The following MACROD2 variants were observed in gnomAD, a reference collection of about 807,000 sequenced individuals.
The protein encoded by MACROD2 is mono-ADP ribosylhydrolase 2.
In MACROD2, 36 loss-of-function variants were observed where a neutral mutation model predicts 70.4. That is an observed-to-expected ratio of 0.51 (90% confidence interval 0.39 to 0.68). MACROD2 has a LOEUF of 0.68. Ranked by LOEUF, MACROD2 falls within the 30% of genes least tolerant of loss-of-function variation. The probability of loss-of-function intolerance (pLI) is 0.00; values close to 1 mark genes in which losing one functional copy is unlikely to be tolerated. For missense variants in MACROD2, 496 were observed against 538.4 expected, an observed-to-expected ratio of 0.92 and a Z score of 0.78; for synonymous variants, 172 against 178.8, an observed-to-expected ratio of 0.96 and a Z score of 0.30.
intron 3 of MACROD2, among the ~76,000 whole-genome samples, chr20:14,165,080 G>A (rs2055248206): frequency 6.6e-6 from 1 of 152,178 alleles, no homozygotes; most frequent in Non-Finnish European, 1.5e-5. Context: ...GGATGCAGGG[G>A]CTGTTGGGAC....
intron 8 of MACROD2, among the ~76,000 whole-genome samples, chr20:15,721,782 A>T (rs1267178683): frequency 6.6e-6 from 1 of 152,194 alleles, no homozygotes; most frequent in African/African-American, 2.4e-5. Context: ...AATGTATCTG[A>T]ATAGTTTACA....
At chr20:15,470,848 A>G (rs2046955378) in intron 7 of MACROD2, among the ~76,000 whole-genome samples, 1 of 152,172 alleles carries the variant, frequency 6.6e-6, no homozygotes, top group Non-Finnish European at 1.5e-5. Context: ...TTCTGAACAT[A>G]GAACTCCTCT....
intron 3 of MACROD2, among the ~76,000 whole-genome samples, chr20:14,116,070 G>T (rs2054509853): frequency 6.6e-6 from 1 of 152,150 alleles, no homozygotes. Context: ...TGAATCTTGA[G>T]AAGACAGTTA....
At chr20:15,935,004 C>T (rs1053217246) in intron 11 of MACROD2, among the ~76,000 whole-genome samples, 7 of 36,710 alleles carry the variant, frequency 1.9e-4, no homozygotes, top group East Asian at 1.2e-3. Context: ...GTGTCCTTAT[C>T]GAAAAAGATT....
intron 5 of MACROD2, among the ~76,000 whole-genome samples, chr20:14,933,122 A>C (rs73270557): frequency 0.043 from 6,495 of 152,116 alleles, 404 homozygotes; most frequent in African/African-American, 0.15. Flanking sequence ...GGTTGTCAAC[A>C]TCATGCTTCA....
intron 5 of MACROD2, among the ~76,000 whole-genome samples, chr20:14,767,059 T>C (rs2072100204): frequency 6.6e-6 from 1 of 152,088 alleles, no homozygotes; most frequent in Non-Finnish European, 1.5e-5. Context: ...CCAGGCGTGG[T>C]GGCTTACACT....
At position 15,201,376 on chromosome 20, in the gene MACROD2, T is replaced by A. The variant is rs150033062; in HGVS notation, c.419-28564T>A. On this transcript the variant is annotated intron_variant, in intron 5 of 17. Coordinates refer to ENST00000684519, the MANE Select transcript of MACROD2 (RefSeq NM_001351661.2). ...ATTTTGGCCATGTCTCCTCTAACATTCGCAGGACCCAGGACAAGAGTACAA... is the reference window on the plus strand; with the variant it reads ...ATTTTGGCCATGTCTCCTCTAACATACGCAGGACCCAGGACAAGAGTACAA... Among the ~76,000 whole-genome samples, 9 of 152,296 alleles carry A rather than the reference T, an allele frequency of 5.9e-5. No homozygotes were observed. The East Asian group carries it at 1.7e-3, about 29-fold the overall frequency.
At chr20:14,149,728 C>CT (rs2054991967) in intron 3 of MACROD2, among the ~76,000 whole-genome samples, 1 of 152,138 alleles carries the variant, frequency 6.6e-6, no homozygotes, top group Non-Finnish European at 1.5e-5. Flanking sequence ...GTGCATTTCT[C>CT]TGATAATTAG....
At chr20:14,710,332 G>C (rs542293007) in intron 5 of MACROD2, among the ~76,000 whole-genome samples, 2 of 152,250 alleles carry the variant, frequency 1.3e-5, no homozygotes, top group African/African-American at 4.8e-5. Flanking sequence ...TCTTGGCCTG[G>C]TGACAGGCAA....
chr20:15,437,655 C>T (rs1269117682), intron 7 of MACROD2, among the ~76,000 whole-genome samples: 1 of 152,140 alleles, frequency 6.6e-6, no homozygotes, highest in Non-Finnish European at 1.5e-5. Flanking sequence ...TCCTCTCACC[C>T]TCCACCCTCG....
At chr20:14,728,010 C>T (rs1393652149) in intron 5 of MACROD2, among the ~76,000 whole-genome samples, 1 of 152,002 alleles carries the variant, frequency 6.6e-6, no homozygotes, top group Admixed American at 6.6e-5. Context: ...ATTCTGTTTC[C>T]ACTTATCTCT....
intron 3 of MACROD2, among the ~76,000 whole-genome samples, chr20:14,132,116 G>A (rs566018800): frequency 2.2e-5 from 3 of 137,862 alleles, no homozygotes; most frequent in African/African-American, 8.0e-5. Context: ...GGGTGACAGA[G>A]CGAGACTCTA....
In MACROD2 at chr20:14,692,680, G is replaced by T. The variant is rs2071077874; in HGVS notation, c.418+7721G>T. Among the ~76,000 whole-genome samples, 2 of 152,188 alleles carry T rather than the reference G, an allele frequency of 1.3e-5. 1 individual carries two copies. Among genetic ancestry groups the T allele is most frequent in the Admixed American group, 1.3e-4 (2 of 15,286 alleles). ...CAACATGATTCCAGGAATCTGCAGAGCTAGTACTCCTGCTGCTTTTAGCAT... is the reference window on the plus strand; with the variant it reads ...CAACATGATTCCAGGAATCTGCAGATCTAGTACTCCTGCTGCTTTTAGCAT... On this transcript the variant is annotated intron_variant, in intron 5 of 17. Transcript: ENST00000684519.
chr20:15,110,428 A>T (rs988672948), intron 5 of MACROD2, among the ~76,000 whole-genome samples: 1 of 152,146 alleles, frequency 6.6e-6, no homozygotes, highest in African/African-American at 2.4e-5. Context: ...TAATTCTAAT[A>T]CTAGAGGCAA....
At chr20:15,023,456 C>A (rs2075205403) in intron 5 of MACROD2, among the ~76,000 whole-genome samples, 1 of 152,098 alleles carries the variant, frequency 6.6e-6, no homozygotes, top group African/African-American at 2.4e-5. Context: ...GCAGCACGGG[C>A]TAGGCTGGCA....
intron 3 of MACROD2, among the ~76,000 whole-genome samples, chr20:14,235,845 A>G (rs1027081432): frequency 6.6e-6 from 1 of 152,180 alleles, no homozygotes; most frequent in African/African-American, 2.4e-5. Context: ...CAACATAGCT[A>G]TTTGAAATTA....
intron 3 of MACROD2, among the ~76,000 whole-genome samples, chr20:14,186,804 A>T (rs2081348398): frequency 6.6e-6 from 1 of 152,220 alleles, no homozygotes; most frequent in South Asian, 2.1e-4. Flanking sequence ...AGCCACATGG[A>T]TGCAGCTAGA....
At chr20:15,075,519 G>A (rs997665381) in intron 5 of MACROD2, among the ~76,000 whole-genome samples, 8 of 152,150 alleles carry the variant, frequency 5.3e-5, no homozygotes, top group Middle Eastern at 3.2e-3. Context: ...TCAGTTCCTT[G>A]TAAATTCTCT....
In MACROD2 at chr20:15,814,898, G is replaced by A. The variant is rs78392359; in HGVS notation, c.646-47847G>A. 3.6e-3 allele frequency among the ~76,000 whole-genome samples: 550 copies of A among 152,344 alleles called. 3 individuals carry two copies. Among genetic ancestry groups the A allele is most frequent in the Non-Finnish European group, 5.7e-3 (387 of 68,036 alleles). On this transcript the variant is annotated intron_variant, in intron 8 of 17. Transcript: ENST00000684519. Reference sequence around the variant, plus strand: ...TACTAAATGTTTTATCAGATGAAGTGTGATGATTATGCCTTTGGCAGTGGA... The same window carrying A: ...TACTAAATGTTTTATCAGATGAAGTATGATGATTATGCCTTTGGCAGTGGA...
Sources: gnomAD v4.1 joint callset for allele counts (sites outside exome capture counted in the v4.1 genomes callset) on GRCh38, gnomAD v4.1.1 for gene constraint, MANE v1.5 for transcripts, NCBI Gene and HGNC (gene_info 2026-07-23, HGNC 2026-07-21) for gene names.